Variants in NXPH1 observed in about 807,000 individuals in gnomAD.
NXPH1 encodes the protein neurexophilin-1.
In NXPH1, 5 loss-of-function variants were observed where a neutral mutation model predicts 23.7. That is an observed-to-expected ratio of 0.21 (90% CI 0.11 to 0.44). The LOEUF (loss-of-function observed/expected upper bound fraction) is 0.44. NXPH1 is among the 20% of genes least tolerant of loss of function. The probability of loss-of-function intolerance (pLI) is 0.99; values close to 1 mark genes in which losing one functional copy is unlikely to be tolerated. For synonymous variants in NXPH1, 144 were observed against 122.2 expected (o/e 1.18, Z -1.18); for missense variants, 324 against 321.6 (o/e 1.01, Z -0.06).
At chr7:8,701,447 A>G (rs1183809443) in intron 2 of NXPH1, among the ~76,000 whole-genome samples, 1 of 151,938 alleles carries the variant, frequency 6.6e-6, no homozygotes, top group Admixed American at 6.6e-5. Context: ...AAATTCCTAC[A>G]AGACAGTACT....
intron 2 of NXPH1, among the ~76,000 whole-genome samples, chr7:8,457,387 A>G (rs1257922629): frequency 1.3e-5 from 2 of 152,146 alleles, no homozygotes; most frequent in African/African-American, 4.8e-5. Flanking sequence ...ACCGATGGAG[A>G]AGGCATTGTC....
chr7:8,614,130 C>A (rs1819679497), intron 2 of NXPH1, among the ~76,000 whole-genome samples: 1 of 151,610 alleles, frequency 6.6e-6, no homozygotes, highest in Non-Finnish European at 1.5e-5. Flanking sequence ...ATAATTATTG[C>A]ATAGTATTTC....
At chr7:8,644,061 G>A (rs962491678) in intron 2 of NXPH1, among the ~76,000 whole-genome samples, 1 of 152,160 alleles carries the variant, frequency 6.6e-6, no homozygotes, top group African/African-American at 2.4e-5. Context: ...CCACAGCTGG[G>A]CGTTACACAC....
intron 2 of NXPH1, among the ~76,000 whole-genome samples, chr7:8,696,490 G>C (rs1300190916): frequency 6.6e-6 from 1 of 152,158 alleles, no homozygotes; most frequent in African/African-American, 2.4e-5. Context: ...AATAAACATG[G>C]ACTTTTTCGG....
At chr7:8,726,338 A>C (rs191179991) in intron 2 of NXPH1, among the ~76,000 whole-genome samples, 2 of 149,762 alleles carry the variant, frequency 1.3e-5, no homozygotes, top group African/African-American at 4.9e-5. Context: ...TTTTTTTTAA[A>C]TGTATTATTA....
intron 2 of NXPH1, among the ~76,000 whole-genome samples, chr7:8,473,735 G>A (rs142619282): frequency 3.7e-5 from 5 of 135,662 alleles, no homozygotes; most frequent in African/African-American, 1.4e-4. Flanking sequence ...AATGCTGTGT[G>A]TGTTTTTTTT....
At chr7:8,446,038 C>T (rs905521502) in intron 2 of NXPH1, among the ~76,000 whole-genome samples, 5 of 152,140 alleles carry the variant, frequency 3.3e-5, no homozygotes, top group African/African-American at 1.2e-4. Context: ...TATAAAACAG[C>T]TTATATAAAA....
chr7:8,527,188 G>T (rs1038532212), intron 2 of NXPH1, among the ~76,000 whole-genome samples: 2 of 152,214 alleles, frequency 1.3e-5, no homozygotes, highest in African/African-American at 4.8e-5. Context: ...GCCATTTTGA[G>T]TGGCCGCTTC....
intron 2 of NXPH1, among the ~76,000 whole-genome samples, chr7:8,735,916 T>A (rs1218463566): frequency 4.6e-5 from 7 of 152,234 alleles, no homozygotes; most frequent in Non-Finnish European, 8.8e-5. Flanking sequence ...TTCTAGTTTA[T>A]TTGCATAGAG....
chr7:8,743,050 A>C (rs914006414), intron 2 of NXPH1, among the ~76,000 whole-genome samples: 1 of 152,222 alleles, frequency 6.6e-6, no homozygotes, highest in African/African-American at 2.4e-5. Context: ...GCCCTTAACC[A>C]ATAGTAGTCA....
At chr7:8,496,198 C>G (rs184046851) in intron 2 of NXPH1, among the ~76,000 whole-genome samples, 2 of 152,072 alleles carry the variant, frequency 1.3e-5, no homozygotes, top group African/African-American at 4.8e-5. Context: ...CATTTCATGT[C>G]GGGCCTTTCT....
chr7:8,748,195 G>A (rs1426223954), intron 2 of NXPH1, among the ~76,000 whole-genome samples: 1 of 152,056 alleles, frequency 6.6e-6, no homozygotes, highest in Admixed American at 6.6e-5. Context: ...CAACGATTTT[G>A]CTGTTATTAG....
chr7:8,621,100 T>C (rs1562430745), intron 2 of NXPH1, among the ~76,000 whole-genome samples: 1 of 152,198 alleles, frequency 6.6e-6, no homozygotes, highest in Non-Finnish European at 1.5e-5. Flanking sequence ...AGAAAAAACA[T>C]GTTATAATGG....
chr7:8,647,200 C>A (rs1820410904), intron 2 of NXPH1, among the ~76,000 whole-genome samples: 1 of 152,222 alleles, frequency 6.6e-6, no homozygotes, highest in Non-Finnish European at 1.5e-5. Flanking sequence ...ACAGGCTGCG[C>A]CTGATCCCTC....
chr7:8,531,328 G>T (rs759674341), intron 2 of NXPH1, among the ~76,000 whole-genome samples: 30 of 152,218 alleles, frequency 2.0e-4, no homozygotes, highest in Non-Finnish European at 4.0e-4. Flanking sequence ...AAGTAACTTA[G>T]TGTGATGTAC....
intron 2 of NXPH1, among the ~76,000 whole-genome samples, chr7:8,740,919 C>T (rs1386296820): frequency 1.3e-5 from 2 of 152,078 alleles, no homozygotes; most frequent in African/African-American, 4.8e-5. Context: ...TGAGAACTCT[C>T]CTACTCTCTT....
intron 2 of NXPH1, among the ~76,000 whole-genome samples, chr7:8,479,213 A>T (rs546342433): frequency 4.4e-4 from 67 of 152,258 alleles, no homozygotes; most frequent in South Asian, 3.1e-3. Flanking sequence ...ATAATTTATT[A>T]AAGTGGGGAT....
chr7:8,702,406 A>G (rs1779638679), intron 2 of NXPH1, among the ~76,000 whole-genome samples: 1 of 152,140 alleles, frequency 6.6e-6, no homozygotes, highest in Non-Finnish European at 1.5e-5. Flanking sequence ...TTATTTGAGG[A>G]ATTAGCTAAG....
In NXPH1 at chr7:8,740,731, ATTTAT is replaced by A. The variant is rs1050216465; in HGVS notation, c.55-10274_55-10270del. On this transcript the variant is annotated intron_variant, in intron 2 of 2. Coordinates refer to ENST00000405863, the MANE Select transcript of NXPH1 (RefSeq NM_152745.3). ...TGCTTTTGTTTTTTTTTTCCTTTAA[ATTTAT>A]TTATTTATTCCCAGCTTTACTGATA... 3.3e-5 allele frequency among the ~76,000 whole-genome samples: 5 copies of A among 151,450 alleles called. 1 individual carries two copies. Among genetic ancestry groups the A allele is most frequent in the African/African-American group, 1.2e-4 (5 of 41,224 alleles).
Sources: gnomAD v4.1 joint callset for allele counts (sites outside exome capture counted in the v4.1 genomes callset) on GRCh38, gnomAD v4.1.1 for gene constraint, MANE v1.5 for transcripts, NCBI Gene and HGNC (gene_info 2026-07-23, HGNC 2026-07-21) for gene names.